The following NCMAP variants were observed in gnomAD, a reference collection of about 807,000 sequenced individuals.
NCMAP encodes the protein non-compact myelin associated protein.
A neutral mutation model predicts 7.8 loss-of-function variants in NCMAP; 8 were observed. The observed-to-expected ratio is 1.02, with a 90% CI of 0.60 to 1.84. NCMAP has a LOEUF of 1.84. Among genes scored for constraint, NCMAP ranks in the 40% most tolerant of loss-of-function variants. NCMAP has a pLI of 0.00. For synonymous variants in NCMAP, 41 were observed against 52.9 expected, an observed-to-expected ratio of 0.78 and a Z score of 0.98; for missense variants, 112 against 131.4, an observed-to-expected ratio of 0.85 and a Z score of 0.72.
At position 24,571,886 on chromosome 1, in the gene NCMAP, G is replaced by A. The variant is rs188650200; in HGVS notation, c.-8+15717G>A. On this transcript the variant is annotated intron_variant, in intron 1 of 3. Coordinates refer to ENST00000374392, the MANE Select transcript of NCMAP (RefSeq NM_001010980.5). The stretch of plus-strand genomic sequence containing the variant: ...CAGGCGTAAGCCACCGCGCCTGGAA[G>A]AAAAAAATTATGAATGAGATGTTTT... Among the ~76,000 whole-genome samples the A allele has an allele frequency of 2.6e-5, 4 of 151,036 alleles. No homozygotes were observed. In the East Asian group the frequency reaches 7.7e-4, roughly 29 times the overall value.
At chr1:24,567,402 G>A (rs183876860) in intron 1 of NCMAP, among the ~76,000 whole-genome samples, 2 of 152,168 alleles carry the variant, frequency 1.3e-5, no homozygotes, top group Non-Finnish European at 1.5e-5. Flanking sequence ...TAGGAGGAGA[G>A]GCTTTGGGCA....
intron 2 of NCMAP, 44 bp from the exon 3 acceptor site, chr1:24,600,896 T>C: frequency 6.3e-7 from 1 of 1,584,000 alleles, no homozygotes; most frequent in Middle Eastern, 1.8e-4. Context: ...CTGGTCTGCG[T>C]TCAGTTTGCA....
chr1:24,590,951 G>A (rs1652029023), intron 1 of NCMAP, among the ~76,000 whole-genome samples: 1 of 152,222 alleles, frequency 6.6e-6, no homozygotes, highest in Admixed American at 6.5e-5. Flanking sequence ...CTCCCTTAGG[G>A]AAAGGGAGAG....
At chr1:24,577,244 G>T (rs2148929672) in intron 1 of NCMAP, among the ~76,000 whole-genome samples, 1 of 152,170 alleles carries the variant, frequency 6.6e-6, no homozygotes, top group East Asian at 1.9e-4. Context: ...TACTCCCAGA[G>T]AATTGTCATC....
intron 1 of NCMAP, among the ~76,000 whole-genome samples, chr1:24,564,428 A>T (rs1048264339): frequency 1.4e-5 from 2 of 146,392 alleles, no homozygotes; most frequent in Non-Finnish European, 3.0e-5. Context: ...GAGAAGAATC[A>T]CTTGAACCCG....
intron 2 of NCMAP, among the ~76,000 whole-genome samples, chr1:24,597,623 GAAAGAAAGAAAGAAAGAA>G (rs60700101): frequency 0.027 from 2,441 of 91,284 alleles, 162 homozygotes; most frequent in African/African-American, 0.13. Context: ...GAAAGAGAAA[GAAAGAAAGAAAGAAAGAA>G]AGAAAGAAAG....
At chr1:24,561,919 AAAAAAAG>A (rs1369435732) in intron 1 of NCMAP, among the ~76,000 whole-genome samples, 5 of 152,230 alleles carry the variant, frequency 3.3e-5, no homozygotes, top group Admixed American at 1.3e-4. Context: ...TCAAAAAAAA[AAAAAAAG>A]AAAAAGGAGG....
intron 1 of NCMAP, among the ~76,000 whole-genome samples, chr1:24,561,058 C>G (rs182627552): frequency 6.6e-6 from 1 of 151,610 alleles, no homozygotes; most frequent in Admixed American, 6.6e-5. Flanking sequence ...ATCATCCCGG[C>G]GCAGTGGCTC....
rs1036861655 is a variant in NCMAP, at chr1:24,608,297, G to A, written c.*2550G>A. The A allele has an allele frequency of 6.6e-6, 1 of 152,234 alleles. No homozygotes were observed. Among genetic ancestry groups the A allele is most frequent in the Admixed American group, 6.5e-5 (1 of 15,270 alleles). The allele number at this position is 152,234 out of a possible 1,614,324, so 9.4% of individuals were successfully genotyped here. A position where few individuals can be genotyped will look rare whatever the true frequency, so the allele number is the denominator to read the frequency against. ...TCCTCTGCTGGCCCAGCTCAAAGCA[G>A]CACAGATTCTTTATGGGCTGAACAA... On this transcript the variant is annotated 3_prime_UTR_variant, in exon 4 of 4. Coordinates refer to ENST00000374392, the MANE Select transcript of NCMAP (RefSeq NM_001010980.5).
chr1:24,560,998 TG>T (rs1651032531), intron 1 of NCMAP, among the ~76,000 whole-genome samples: 2 of 152,106 alleles, frequency 1.3e-5, no homozygotes, highest in East Asian at 3.9e-4. Context: ...TCCCTGAGCC[TG>T]GGGCGATTTT....
intron 1 of NCMAP, among the ~76,000 whole-genome samples, chr1:24,564,533 C>CAA (rs1237685346): frequency 3.0e-4 from 25 of 82,270 alleles, no homozygotes; most frequent in Non-Finnish European, 5.0e-4. Context: ...AAAAAAAAAA[C>CAA]AAAAAAAAAC....
At chr1:24,577,413 T>C in intron 1 of NCMAP, among the ~76,000 whole-genome samples, 1 of 145,472 alleles carries the variant, frequency 6.9e-6, no homozygotes, top group Non-Finnish European at 1.5e-5. Flanking sequence ...TTTTTTTTTT[T>C]TTTTTTTTTT....
intron 1 of NCMAP, among the ~76,000 whole-genome samples, chr1:24,577,401 G>GTTTTTTTTTT (rs71577720): frequency 5.5e-4 from 22 of 39,940 alleles, no homozygotes; most frequent in African/African-American, 1.1e-3. Flanking sequence ...CACTGGCCTT[G>GTTTTTTTTTT]TTTTTTTTTT....
At chr1:24,602,040 C>CAAA (rs10699965) in intron 3 of NCMAP, among the ~76,000 whole-genome samples, 212 of 133,946 alleles carry the variant, frequency 1.6e-3, no homozygotes, top group African/African-American at 5.2e-3. Context: ...AACTCCGTCT[C>CAAA]AAAAAAAAAA....
At chr1:24,588,158 T>G (rs941075075) in intron 1 of NCMAP, among the ~76,000 whole-genome samples, 2 of 150,978 alleles carry the variant, frequency 1.3e-5, no homozygotes, top group Non-Finnish European at 3.0e-5. Flanking sequence ...CATGGCTCAC[T>G]GCAGCCTCAA....
chr1:24,565,133 A>T (rs1225198159), intron 1 of NCMAP, among the ~76,000 whole-genome samples: 3 of 137,090 alleles, frequency 2.2e-5, no homozygotes, highest in Non-Finnish European at 4.6e-5. Flanking sequence ...GCAGGAGGGG[A>T]TTTTATACAC....
At chr1:24,556,901 A>T (rs1322698575) in intron 1 of NCMAP, among the ~76,000 whole-genome samples, 1 of 152,104 alleles carries the variant, frequency 6.6e-6, no homozygotes, top group Admixed American at 6.5e-5. Context: ...TGGTTAGGGC[A>T]GCGCTTTGGA....
chr1:24,587,640 A>T (rs1651930089), intron 1 of NCMAP, among the ~76,000 whole-genome samples: 1 of 152,036 alleles, frequency 6.6e-6, no homozygotes, highest in Non-Finnish European at 1.5e-5. Flanking sequence ...CAGCCTCCCA[A>T]GTAGCTAAGA....
At chr1:24,574,128 GTT>G (rs35886293) in intron 1 of NCMAP, among the ~76,000 whole-genome samples, 15 of 145,328 alleles carry the variant, frequency 1.0e-4, no homozygotes, top group African/African-American at 2.9e-4. Flanking sequence ...ACTGAGAGGG[GTT>G]TTTTTTTTTT....
Sources: gnomAD v4.1 joint callset for allele counts (sites outside exome capture counted in the v4.1 genomes callset) on GRCh38, gnomAD v4.1.1 for gene constraint, MANE v1.5 for transcripts, NCBI Gene and HGNC (gene_info 2026-07-23, HGNC 2026-07-21) for gene names.